LHFPL3: variants seen among roughly 807,000 people sequenced by gnomAD.
LHFPL3 encodes the protein LHFPL tetraspan subfamily member 3 protein.
In LHFPL3, 5 loss-of-function variants were observed where a neutral mutation model predicts 19.3. The observed-to-expected ratio is 0.26, with a 90% CI of 0.14 to 0.54. The LOEUF (loss-of-function observed/expected upper bound fraction) is 0.54. LHFPL3 is among the 20% of genes least tolerant of loss of function. The probability of loss-of-function intolerance (pLI) is 0.94; values close to 1 mark genes in which losing one functional copy is unlikely to be tolerated. For missense variants in LHFPL3, 249 were observed against 307.4 expected (o/e 0.81, Z 1.42); for synonymous variants, 133 against 126.2 (o/e 1.05, Z -0.36).
chr7:104,846,543 C>A (rs1791316091), intron 2 of LHFPL3, among the ~76,000 whole-genome samples: 1 of 150,578 alleles, frequency 6.6e-6, no homozygotes, highest in African/African-American at 2.5e-5. Flanking sequence ...GACTCCAGAT[C>A]CCTTAATTCA....
At chr7:104,774,183 G>A (rs1584527041) in intron 2 of LHFPL3, among the ~76,000 whole-genome samples, 1 of 152,230 alleles carries the variant, frequency 6.6e-6, no homozygotes, top group African/African-American at 2.4e-5. Flanking sequence ...AGAAGGAAAG[G>A]AGAAGGGACA....
chr7:104,881,923 T>C (rs952370888), intron 2 of LHFPL3, among the ~76,000 whole-genome samples: 5 of 152,210 alleles, frequency 3.3e-5, no homozygotes, highest in Admixed American at 6.5e-5. Flanking sequence ...AATTCGTTCA[T>C]TAATTTATTT....
rs139110894 is a variant in LHFPL3 at position 104,844,532 on chromosome 7, G to A, written c.683-61655G>A. On this transcript the variant is annotated intron_variant, in intron 2 of 2. Coordinates refer to ENST00000424859, the MANE Select transcript of LHFPL3 (RefSeq NM_199000.3). ...CTCTATCCATGTGTTTTTAACTTTT[G>A]TCTTTTTCCCTTGATTATTTTTCTT... is the stretch of plus-strand genomic sequence containing the variant. Among the ~76,000 whole-genome samples, 614 of 152,232 alleles carry A rather than the reference G, an allele frequency of 4.0e-3. 10 individuals are homozygous for A. The highest frequency in any genetic ancestry group is 0.014 in the African/African-American group (583 of 41,566).
chr7:104,438,784 G>A (rs1792161985), intron 1 of LHFPL3, among the ~76,000 whole-genome samples: 1 of 151,300 alleles, frequency 6.6e-6, no homozygotes, highest in Non-Finnish European at 1.5e-5. Flanking sequence ...AATACAAACA[G>A]CAGAGAAATT....
chr7:104,585,522 C>T (rs959922030), intron 1 of LHFPL3, among the ~76,000 whole-genome samples: 8 of 149,954 alleles, frequency 5.3e-5, no homozygotes, highest in African/African-American at 2.0e-4. Flanking sequence ...CACACACACA[C>T]GGCCTTGTCC....
chr7:104,731,291 T>A, intron 1 of LHFPL3, among the ~76,000 whole-genome samples: 1 of 134,244 alleles, frequency 7.4e-6, no homozygotes, highest in Non-Finnish European at 1.6e-5. Context: ...GGGGATGGCA[T>A]TGAATCTACG....
At chr7:104,672,094 A>G (rs1792497175) in intron 1 of LHFPL3, among the ~76,000 whole-genome samples, 1 of 136,800 alleles carries the variant, frequency 7.3e-6, no homozygotes, top group African/African-American at 2.9e-5. Context: ...TGTGTTTGCA[A>G]TGGTTGCTTA....
At chr7:104,701,023 A>T (rs1382243559) in intron 1 of LHFPL3, among the ~76,000 whole-genome samples, 2 of 152,178 alleles carry the variant, frequency 1.3e-5, no homozygotes, top group Non-Finnish European at 2.9e-5. Context: ...CATTTTGCTG[A>T]AAAATATCCT....
At chr7:104,346,038 T>C (rs1018767892) in intron 1 of LHFPL3, among the ~76,000 whole-genome samples, 60 of 139,030 alleles carry the variant, frequency 4.3e-4, no homozygotes, top group African/African-American at 1.7e-3. Flanking sequence ...TTTTTATTCC[T>C]TCTTTTTTTT....
At chr7:104,437,589 G>C (rs958513330) in intron 1 of LHFPL3, among the ~76,000 whole-genome samples, 2 of 152,160 alleles carry the variant, frequency 1.3e-5, no homozygotes, top group Non-Finnish European at 2.9e-5. Flanking sequence ...ACTTAGCTAC[G>C]AATCAAAAGT....
At chr7:104,593,447 C>T (rs1487452820) in intron 1 of LHFPL3, among the ~76,000 whole-genome samples, 1 of 152,122 alleles carries the variant, frequency 6.6e-6, no homozygotes, top group Admixed American at 6.5e-5. Context: ...CTGAGGAGTG[C>T]TTTACTTCCA....
intron 1 of LHFPL3, among the ~76,000 whole-genome samples, chr7:104,495,180 C>T (rs1424207881): frequency 6.6e-6 from 1 of 152,148 alleles, no homozygotes; most frequent in Non-Finnish European, 1.5e-5. Context: ...ACTAGCCAAA[C>T]AGTCACTACC....
At chr7:104,898,712 C>T (rs12667927) in intron 2 of LHFPL3, among the ~76,000 whole-genome samples, 87,825 of 151,810 alleles carry the variant, frequency 0.58, 25,776 homozygotes, top group African/African-American at 0.66. Flanking sequence ...CCCAGCACTC[C>T]GGGAGGCTGA....
chr7:104,615,195 G>C (rs1016515532), intron 1 of LHFPL3, among the ~76,000 whole-genome samples: 3 of 152,186 alleles, frequency 2.0e-5, no homozygotes, highest in African/African-American at 7.2e-5. Context: ...TAATACGTGT[G>C]AAAAAGTTTG....
chr7:104,425,328 C>T (rs1011145976), intron 1 of LHFPL3, among the ~76,000 whole-genome samples: 1 of 151,918 alleles, frequency 6.6e-6, no homozygotes, highest in African/African-American at 2.4e-5. Context: ...GTGTTTATTC[C>T]AACACGTAGT....
chr7:104,598,234 T>C (rs1012131305), intron 1 of LHFPL3, among the ~76,000 whole-genome samples: 1 of 152,126 alleles, frequency 6.6e-6, no homozygotes, highest in African/African-American at 2.4e-5. Context: ...ACCACAGATA[T>C]CTCGATTGGT....
intron 2 of LHFPL3, among the ~76,000 whole-genome samples, chr7:104,860,157 TACACACACACATACACCCACCCACACAC>T (rs1380277869): frequency 2.2e-5 from 3 of 139,450 alleles, no homozygotes; most frequent in Non-Finnish European, 4.6e-5. Context: ...ACCCCCCAAA[TACACACACACATACACCCACCCACACAC>T]ACACACACAC....
At chr7:104,566,052 A>T (rs952477519) in intron 1 of LHFPL3, among the ~76,000 whole-genome samples, 1 of 151,854 alleles carries the variant, frequency 6.6e-6, no homozygotes, top group East Asian at 1.9e-4. Context: ...GTGACTCGGA[A>T]CTCACCTTCT....
intron 2 of LHFPL3, among the ~76,000 whole-genome samples, chr7:104,797,156 T>C (rs907828700): frequency 1.3e-5 from 2 of 152,170 alleles, no homozygotes; most frequent in Admixed American, 6.5e-5. Flanking sequence ...GGAGGAGAGA[T>C]AGAAAACTAA....
Sources: gnomAD v4.1 joint callset for allele counts (sites outside exome capture counted in the v4.1 genomes callset) on GRCh38, gnomAD v4.1.1 for gene constraint, MANE v1.5 for transcripts, NCBI Gene and HGNC (gene_info 2026-07-23, HGNC 2026-07-21) for gene names.